Variants in TBX1 observed in about 807,000 individuals in gnomAD.
TBX1 encodes the protein T-box transcription factor 1.
Under a neutral mutation model 40.8 loss-of-function variants are expected in TBX1, and 16 were observed. The observed-to-expected ratio is 0.39, with a 90% CI of 0.27 to 0.60. The LOEUF (loss-of-function observed/expected upper bound fraction) is 0.60. Among genes scored for constraint, TBX1 ranks in the 20% least tolerant of loss-of-function variants. The probability of loss-of-function intolerance (pLI) is 0.51; values close to 1 mark genes in which losing one functional copy is unlikely to be tolerated. For missense variants in TBX1, 755 were observed against 728.5 expected, an observed-to-expected ratio of 1.04 and a Z score of -0.42; for synonymous variants, 403 against 336.8, an observed-to-expected ratio of 1.20 and a Z score of -2.15.
chr22:19,766,697 G>C lies in TBX1; in HGVS notation c.1345G>C (p.Gly449Arg), dbSNP rs777873225. 1.1e-5 allele frequency: 17 copies of C among 1,546,490 alleles called. 1 individual carries two copies. The highest frequency in any genetic ancestry group is 8.1e-5 in the South Asian group (7 of 86,160). ...KSRPAPYPLP[G>R]LRGHGYHPHA... is the part of the protein sequence containing the mutation. ...CCGGCCGGCGCCCTACCCGCTGCCC[G>C]GCCTGCGTGGCCACGGCTACCACCC... Residue 449 changes from glycine to arginine, a missense_variant, in exon 7 of 7, where the codon GGC becomes CGC. Physicochemically the swap from Gly to Arg is moderately radical, Grantham distance 125. Transcript: ENST00000649276.
chr22:19,779,152 T>C (rs887096911), intron 8 of TBX1: 1 of 1,573,478 alleles, frequency 6.4e-7, no homozygotes, highest in South Asian at 1.1e-5. Flanking sequence ...CAGTCTGATC[T>C]GCAAGAAAAG....
At chr22:19,782,048 T>G (rs563813357), downstream of TBX1, among the ~76,000 whole-genome samples, 1 of 152,354 alleles carries the variant, frequency 6.6e-6, no homozygotes, top group Admixed American at 6.5e-5. Context: ...CCACACTGTT[T>G]TGATTACTAT....
chr22:19,776,719 C>T (rs763747563), intron 8 of TBX1, among the ~76,000 whole-genome samples: 4 of 152,208 alleles, frequency 2.6e-5, no homozygotes, highest in Non-Finnish European at 4.4e-5. Context: ...TGGTAGCCGA[C>T]GTCCATGCCA....
upstream of TBX1, among the ~76,000 whole-genome samples, chr22:19,759,179 C>T (rs1936557623): frequency 6.6e-6 from 1 of 152,216 alleles, no homozygotes; most frequent in African/African-American, 2.4e-5. Flanking sequence ...AGAGAAAGGC[C>T]GTGCCTTGGC....
chr22:19,771,857 G>GT (rs1936995611), downstream of TBX1, among the ~76,000 whole-genome samples: 1 of 152,256 alleles, frequency 6.6e-6, no homozygotes, highest in African/African-American at 2.4e-5. Context: ...GGGTGCTGCA[G>GT]TTGAGGCCCA....
downstream of TBX1, among the ~76,000 whole-genome samples, chr22:19,771,855 C>T (rs1036012264): frequency 6.6e-5 from 10 of 152,222 alleles, no homozygotes; most frequent in African/African-American, 2.4e-4. Context: ...CAGGGTGCTG[C>T]AGTTGAGGCC....
upstream of TBX1, among the ~76,000 whole-genome samples, chr22:19,760,500 G>A (rs577891828): frequency 2.4e-3 from 349 of 147,190 alleles, 4 homozygotes; most frequent in Admixed American, 5.8e-3. Context: ...AACGCACGCG[G>A]GCGGGCGGCA....
downstream of TBX1, among the ~76,000 whole-genome samples, chr22:19,770,106 A>C (rs1293933290): frequency 6.6e-6 from 1 of 151,990 alleles, no homozygotes; most frequent in Non-Finnish European, 1.5e-5. Context: ...ATCCTCCTCC[A>C]GGTTCCCTAG....
intron 8 of TBX1, among the ~76,000 whole-genome samples, chr22:19,774,950 T>G (rs753295086): frequency 3.7e-4 from 56 of 152,134 alleles, no homozygotes. Flanking sequence ...AATGGCACAT[T>G]CTTTATTTTT....
intron 8 of TBX1, among the ~76,000 whole-genome samples, chr22:19,775,129 T>C (rs1773858920): frequency 6.6e-6 from 1 of 152,038 alleles, no homozygotes; most frequent in Non-Finnish European, 1.5e-5. Context: ...GTTTCTCCCT[T>C]GTCACCTAGG....
At chr22:19,757,737 G>C (rs1414845232), upstream of TBX1, among the ~76,000 whole-genome samples, 1 of 152,188 alleles carries the variant, frequency 6.6e-6, no homozygotes, top group Non-Finnish European at 1.5e-5. Context: ...GTCCTGCTCA[G>C]AGAGGAAGGA....
chr22:19,780,402 T>C (rs188821098), downstream of TBX1, among the ~76,000 whole-genome samples: 2 of 152,314 alleles, frequency 1.3e-5, no homozygotes, highest in African/African-American at 4.8e-5. Context: ...GTTCACTGAG[T>C]GTAAGGACCT....
At position 19,766,958 on chromosome 22, in the gene TBX1, C is replaced by T. The variant is rs1936882758; in HGVS notation, c.*91C>T. The T allele has an allele frequency of 3.3e-6, 5 of 1,515,704 alleles. No homozygotes were observed. The highest frequency in any genetic ancestry group is 2.1e-5 in the Admixed American group (1 of 48,280). The allele number at this position is 1,515,704 out of a possible 1,614,324, so 93.9% of individuals were successfully genotyped here. A position where few individuals can be genotyped will look rare whatever the true frequency, so the allele number is the denominator to read the frequency against. Reference sequence around the variant, plus strand: ...CTGCCCCAAGGGCAAGCAAGGAATACGTTCCCCCAGCCCCAGGGGCCACCG... The same window carrying T: ...CTGCCCCAAGGGCAAGCAAGGAATATGTTCCCCCAGCCCCAGGGGCCACCG... On this transcript the variant is annotated 3_prime_UTR_variant, in exon 7 of 7. Transcript: ENST00000649276.
chr22:19,765,885 C>A lies in TBX1; in HGVS notation c.936-17C>A, dbSNP rs1936818838. On this transcript the variant is annotated splice_polypyrimidine_tract_variant and intron_variant, in intron 5 of 6. Transcript: ENST00000649276. ...CGCCTGGCGCAGGCGCCGCCCTGAT[C>A]CGCCTCCCGCCCGCAGGCCCCGGAA... The A allele has an allele frequency of 6.5e-7, 1 of 1,548,784 alleles. No individual in the cohort carries two copies. The highest frequency in any genetic ancestry group is 8.7e-7 in the Non-Finnish European group (1 of 1,147,358).
chr22:19,776,387 G>T (rs763025204), intron 8 of TBX1, among the ~76,000 whole-genome samples: 1 of 152,186 alleles, frequency 6.6e-6, no homozygotes, highest in Non-Finnish European at 1.5e-5. Context: ...GTGCCAAAGT[G>T]TCCATCCCAT....
downstream of TBX1, chr22:19,767,436 C>A: frequency 5.2e-6 from 5 of 968,910 alleles, no homozygotes; most frequent in Non-Finnish European, 6.1e-6. Context: ...CTCCCCAGCC[C>A]CAATCCCTGC....
chr22:19,764,158 C>T lies in TBX1; in HGVS notation c.543C>T (p.Tyr181=), dbSNP rs772390067. The part of the protein sequence containing the change: ...FVPVDDKRYR[Y]AFHSSSWLVA... Reference sequence around the variant, plus strand: ...ACCCCACCCCGTGCCGCTCCAGGTACGCCTTCCACAGCTCCTCCTGGCTGG... The same window carrying T: ...ACCCCACCCCGTGCCGCTCCAGGTATGCCTTCCACAGCTCCTCCTGGCTGG... The change falls in exon 3 of 7, where the codon TAC becomes TAT. Residue 181 remains tyrosine, a synonymous_variant. Coordinates refer to ENST00000649276, the MANE Select transcript of TBX1 (RefSeq NM_001379200.1). 11 of 1,612,878 alleles carry T rather than the reference C, an allele frequency of 6.8e-6. No homozygotes were observed. The South Asian group carries it at 8.8e-5, about 13-fold the overall frequency.
intron 2 of TBX1, chr22:19,763,568 A>G: frequency 1.7e-6 from 1 of 579,634 alleles, no homozygotes; most frequent in South Asian, 1.9e-5. Context: ...GGCTGCAGAC[A>G]GCTCTTGCTC....
At chr22:19,764,127 T>G in intron 2 of TBX1, 28 bp from the exon 3 acceptor site, 1 of 1,612,060 alleles carries the variant, frequency 6.2e-7, no homozygotes, top group Non-Finnish European at 8.5e-7. Context: ...CACCTCCACA[T>G]GCACGACCCC....
Sources: allele counts gnomAD v4.1 joint callset (sites outside exome capture counted in the v4.1 genomes callset), GRCh38; gene constraint gnomAD v4.1.1; transcripts MANE v1.5; gene names NCBI Gene and HGNC (gene_info 2026-07-23, HGNC 2026-07-21).